The following GUCY1A2 variants were observed in gnomAD, a reference collection of about 807,000 sequenced individuals.
GUCY1A2 encodes the protein guanylate cyclase soluble subunit alpha-2.
GUCY1A2 carries 27 observed loss-of-function variants against 63.5 expected under a neutral mutation model. The observed-to-expected ratio is 0.43, with a 90% confidence interval of 0.31 to 0.59. The LOEUF (loss-of-function observed/expected upper bound fraction) is 0.59, where lower values mean the gene tolerates loss of function less well. GUCY1A2 is among the 20% of genes least tolerant of loss of function. The pLI, the probability that GUCY1A2 is intolerant of heterozygous loss-of-function variation, is 0.11. For missense variants in GUCY1A2, 768 were observed against 913.3 expected (o/e 0.84, Z 2.05); for synonymous variants, 364 against 343.5 (o/e 1.06, Z -0.66).
chr11:106,841,258 T>A (rs10890608), intron 4 of GUCY1A2, among the ~76,000 whole-genome samples: 40,168 of 151,630 alleles, frequency 0.26, 5,627 homozygotes, highest in Admixed American at 0.35. Flanking sequence ...AACTTCCTAC[T>A]TATACTTCTT....
chr11:106,824,127 A>G (rs1858936905), intron 4 of GUCY1A2: 1 of 1,509,528 alleles, frequency 6.6e-7, no homozygotes, highest in Non-Finnish European at 9.1e-7. Context: ...TCTTCTGAAC[A>G]ATGAGGCACA....
chr11:106,944,967 T>C (rs1311233769), intron 3 of GUCY1A2, among the ~76,000 whole-genome samples: 1 of 151,900 alleles, frequency 6.6e-6, no homozygotes, highest in Non-Finnish European at 1.5e-5. Context: ...AAAAACACTA[T>C]AATGTAGAAT....
chr11:106,876,801 C>T (rs1460203755), intron 4 of GUCY1A2, among the ~76,000 whole-genome samples: 1 of 152,048 alleles, frequency 6.6e-6, no homozygotes, highest in Non-Finnish European at 1.5e-5. Flanking sequence ...ATTTCAACTT[C>T]CGTAACTTTG....
chr11:106,857,244 C>A (rs1043200906), intron 4 of GUCY1A2, among the ~76,000 whole-genome samples: 1 of 152,112 alleles, frequency 6.6e-6, no homozygotes, highest in African/African-American at 2.4e-5. Flanking sequence ...GGTGAAGACC[C>A]TCTTTCAGGT....
chr11:106,982,683 G>A (rs370917151), intron 2 of GUCY1A2, among the ~76,000 whole-genome samples: 12 of 152,234 alleles, frequency 7.9e-5, no homozygotes, highest in Admixed American at 2.6e-4. Flanking sequence ...AGAATAAGCC[G>A]TGCAAACATC....
At position 106,685,332 on chromosome 11, in the gene GUCY1A2, G is replaced by C. The variant is rs1288013764; in HGVS notation, c.*2217C>G. 1 of 210,116 alleles carries C rather than the reference G, an allele frequency of 4.8e-6. No homozygotes were observed. Among genetic ancestry groups the C allele is most frequent in the Non-Finnish European group, 9.7e-6 (1 of 103,622 alleles). 13.0% of individuals were successfully genotyped at this position (210,116 alleles called of 1,614,324 possible). On this transcript the variant is annotated 3_prime_UTR_variant, in exon 8 of 8. Coordinates refer to ENST00000526355, the MANE Select transcript of GUCY1A2 (RefSeq NM_000855.3). ...TCTCTCCAGGCCTATCACTAGTATT[G>C]AGGTGGATTTCCAATGATGCTTTTC...
At position 107,018,380 on chromosome 11, in the gene GUCY1A2, C is replaced by G. The variant is rs941572282; in HGVS notation, c.-325G>C. The stretch of plus-strand genomic sequence containing the variant: ...TCGGCGCATCGCCGTGCGCCGCGCT[C>G]CCGCTCACGGGGAGGCTCCGAGAGT... On this transcript the variant is annotated 5_prime_UTR_variant, in exon 1 of 8. Coordinates refer to ENST00000526355, the MANE Select transcript of GUCY1A2 (RefSeq NM_000855.3). 1 of 150,052 alleles carries G rather than the reference C, an allele frequency of 6.7e-6. No homozygotes were observed. The highest frequency in any genetic ancestry group is 2.4e-5 in the African/African-American group (1 of 41,088). The allele number at this position is 150,052 out of a possible 1,614,324, so 9.3% of individuals were successfully genotyped here. A position where few individuals can be genotyped will look rare whatever the true frequency, so the allele number is the denominator to read the frequency against.
intron 4 of GUCY1A2, among the ~76,000 whole-genome samples, chr11:106,909,736 C>T (rs1363547116): frequency 6.6e-6 from 1 of 151,918 alleles, no homozygotes; most frequent in Non-Finnish European, 1.5e-5. Context: ...GTAACACAGG[C>T]TGTTTAACCA....
At position 106,777,931 on chromosome 11, in the gene GUCY1A2, C is replaced by T. The variant is rs185840707; in HGVS notation, c.1693-1349G>A. On this transcript the variant is annotated intron_variant, in intron 5 of 7. Coordinates refer to ENST00000526355, the MANE Select transcript of GUCY1A2 (RefSeq NM_000855.3). ...CATATAATTGAGAGTTAACAGCTAC[C>T]GTAGGGGTCTTTCCAGACCCTCTTC... is the stretch of plus-strand genomic sequence containing the variant. Among the ~76,000 whole-genome samples, 285 of 152,182 alleles carry T rather than the reference C, an allele frequency of 1.9e-3. No homozygotes were observed. In the Middle Eastern group the frequency reaches 0.02, roughly 11 times the overall value.
At chr11:106,764,283 A>G (rs1484988274) in intron 6 of GUCY1A2, among the ~76,000 whole-genome samples, 2 of 152,106 alleles carry the variant, frequency 1.3e-5, no homozygotes, top group Non-Finnish European at 2.9e-5. Flanking sequence ...TAATTTTTTA[A>G]GGAAAATTAA....
chr11:106,928,558 C>T (rs1417427473), intron 4 of GUCY1A2, among the ~76,000 whole-genome samples: 1 of 151,404 alleles, frequency 6.6e-6, no homozygotes, highest in African/African-American at 2.4e-5. Flanking sequence ...ATGATTCAAA[C>T]ATAAATACAG....
At chr11:106,850,339 C>G (rs764279676) in intron 4 of GUCY1A2, among the ~76,000 whole-genome samples, 2 of 151,684 alleles carry the variant, frequency 1.3e-5, no homozygotes, top group Non-Finnish European at 3.0e-5. Flanking sequence ...TTTATTATTA[C>G]TTTGTGTTGT....
intron 1 of GUCY1A2, among the ~76,000 whole-genome samples, chr11:106,996,458 A>G (rs927464621): frequency 3.9e-5 from 6 of 152,234 alleles, no homozygotes; most frequent in Non-Finnish European, 8.8e-5. Flanking sequence ...AAACTGGATT[A>G]AAGAACTTAG....
intron 6 of GUCY1A2, among the ~76,000 whole-genome samples, chr11:106,763,168 T>G (rs2135393017): frequency 6.6e-6 from 1 of 152,130 alleles, no homozygotes; most frequent in South Asian, 2.1e-4. Flanking sequence ...ACTGTAAGAT[T>G]AAAAATGGAA....
chr11:106,851,886 A>C (rs1361921741), intron 4 of GUCY1A2, among the ~76,000 whole-genome samples: 2 of 151,952 alleles, frequency 1.3e-5, no homozygotes, highest in Non-Finnish European at 2.9e-5. Flanking sequence ...TTCTGTAAAG[A>C]ATGTCATTAA....
At chr11:106,705,932 T>C (rs772823534) in intron 7 of GUCY1A2, among the ~76,000 whole-genome samples, 2 of 152,156 alleles carry the variant, frequency 1.3e-5, no homozygotes, top group Admixed American at 6.5e-5. Context: ...AATGAAAGAC[T>C]GAGAAAATTA....
At chr11:106,795,381 G>A (rs986659865) in intron 5 of GUCY1A2, among the ~76,000 whole-genome samples, 14 of 152,168 alleles carry the variant, frequency 9.2e-5, no homozygotes, top group Admixed American at 3.9e-4. Flanking sequence ...GGGAAAAAGA[G>A]AGAAGCACGA....
intron 6 of GUCY1A2, among the ~76,000 whole-genome samples, chr11:106,712,419 A>C (rs71488225): frequency 6.6e-6 from 1 of 152,166 alleles, no homozygotes; most frequent in Admixed American, 6.5e-5. Context: ...GTTAAAAATC[A>C]CCGTTTTAAT....
intron 4 of GUCY1A2, among the ~76,000 whole-genome samples, chr11:106,875,341 T>C (rs1331260294): frequency 6.6e-6 from 1 of 152,114 alleles, no homozygotes; most frequent in Non-Finnish European, 1.5e-5. Flanking sequence ...GTTCTGGTTG[T>C]ATGTGTACTG....
Sources: allele counts gnomAD v4.1 joint callset (sites outside exome capture counted in the v4.1 genomes callset), GRCh38; gene constraint gnomAD v4.1.1; transcripts MANE v1.5; gene names NCBI Gene and HGNC (gene_info 2026-07-23, HGNC 2026-07-21).